Variants in IKZF1 observed in about 807,000 individuals in gnomAD.
The protein encoded by IKZF1 is IKAROS family zinc finger 1, also known as DNA-binding protein Ikaros.
In IKZF1, 10 loss-of-function variants were observed where a neutral mutation model predicts 51.7. The observed-to-expected ratio is 0.19, with a 90% confidence interval of 0.12 to 0.33. IKZF1 has a LOEUF of 0.33. Ranked by LOEUF, IKZF1 falls within the 10% of genes least tolerant of loss-of-function variation. IKZF1 has a pLI of 1.00. For missense variants in IKZF1, 484 were observed against 707.5 expected (o/e 0.68, Z 3.58); for synonymous variants, 280 against 282.3 (o/e 0.99, Z 0.08).
intron 2 of IKZF1, among the ~76,000 whole-genome samples, chr7:50,319,779 C>A (rs1792651041): frequency 6.6e-6 from 1 of 152,192 alleles, no homozygotes; most frequent in Non-Finnish European, 1.5e-5. Flanking sequence ...TTGGGGTTTT[C>A]GGTATTTCAT....
intron 3 of IKZF1, among the ~76,000 whole-genome samples, chr7:50,361,358 A>C (rs1698025939): frequency 6.6e-6 from 1 of 152,226 alleles, no homozygotes; most frequent in African/African-American, 2.4e-5. Context: ...CATTTTTACA[A>C]AAAAGTAGTA....
At chr7:50,380,344 C>T (rs1811504307) in intron 4 of IKZF1, among the ~76,000 whole-genome samples, 1 of 152,218 alleles carries the variant, frequency 6.6e-6, no homozygotes, top group African/African-American at 2.4e-5. Context: ...GCCCGCCTGC[C>T]TGCCTGCCCT....
intron 3 of IKZF1, among the ~76,000 whole-genome samples, chr7:50,350,573 G>A (rs1333927412): frequency 6.6e-6 from 1 of 152,172 alleles, no homozygotes; most frequent in African/African-American, 2.4e-5. Flanking sequence ...AGGATAAATT[G>A]GGTTCTGACG....
chr7:50,306,685 C>T (rs1788885516), intron 1 of IKZF1, among the ~76,000 whole-genome samples: 1 of 152,176 alleles, frequency 6.6e-6, no homozygotes, highest in Admixed American at 6.5e-5. Context: ...AAACTAAGAT[C>T]GCAGTGAATG....
intron 3 of IKZF1, among the ~76,000 whole-genome samples, chr7:50,346,459 C>T (rs992874417): frequency 6.6e-6 from 1 of 152,206 alleles, no homozygotes; most frequent in Non-Finnish European, 1.5e-5. Context: ...TTGACAACAG[C>T]TCTACAAAGC....
At chr7:50,349,396 T>C (rs1053955990) in intron 3 of IKZF1, among the ~76,000 whole-genome samples, 2 of 152,308 alleles carry the variant, frequency 1.3e-5, no homozygotes, top group South Asian at 2.1e-4. Flanking sequence ...AAAACAGTTT[T>C]GATGAGAAGC....
intron 7 of IKZF1, chr7:50,393,832 G>C (rs1431732342): frequency 4.3e-6 from 1 of 233,018 alleles, no homozygotes; most frequent in Admixed American, 5.6e-5. Context: ...TATGGGCAGA[G>C]ATAAGGCAGC....
chr7:50,397,812 G>A (rs1817107155), intron 7 of IKZF1, among the ~76,000 whole-genome samples: 1 of 152,018 alleles, frequency 6.6e-6, no homozygotes. Context: ...AGCTTCATAG[G>A]GTTTTCATCC....
intron 4 of IKZF1, among the ~76,000 whole-genome samples, chr7:50,378,760 G>A (rs557258246): frequency 6.6e-6 from 1 of 152,148 alleles, no homozygotes; most frequent in Non-Finnish European, 1.5e-5. Context: ...TTTCACTTAC[G>A]GAACAAATAA....
At chr7:50,380,856 T>TTA (rs1811640538) in intron 4 of IKZF1, among the ~76,000 whole-genome samples, 1 of 152,258 alleles carries the variant, frequency 6.6e-6, no homozygotes, top group Non-Finnish European at 1.5e-5. Flanking sequence ...GCTAGCTGTT[T>TTA]TAGCCTCTTC....
chr7:50,361,538 C>A (rs1052878436), intron 3 of IKZF1, among the ~76,000 whole-genome samples: 5 of 152,164 alleles, frequency 3.3e-5, no homozygotes, highest in Admixed American at 1.3e-4. Context: ...AATGCTCCAA[C>A]CTCAGGATCC....
At chr7:50,330,449 A>G (rs987212514) in intron 3 of IKZF1, among the ~76,000 whole-genome samples, 5 of 152,154 alleles carry the variant, frequency 3.3e-5, no homozygotes, top group African/African-American at 1.2e-4. Context: ...AAAAGCCTAC[A>G]TGACAAACCA....
At chr7:50,356,261 A>G (rs943752605) in intron 3 of IKZF1, among the ~76,000 whole-genome samples, 1 of 152,246 alleles carries the variant, frequency 6.6e-6, no homozygotes, top group Non-Finnish European at 1.5e-5. Flanking sequence ...AAATAACAGA[A>G]TGGCCTTCTA....
chr7:50,329,677 T>G (rs1303181055), intron 3 of IKZF1, among the ~76,000 whole-genome samples: 1 of 152,256 alleles, frequency 6.6e-6, no homozygotes, highest in Non-Finnish European at 1.5e-5. Context: ...CCAAGGGTAC[T>G]GTTCTTCCTG....
intron 3 of IKZF1, among the ~76,000 whole-genome samples, chr7:50,355,823 G>A (rs556699108): frequency 1.2e-4 from 18 of 152,322 alleles, no homozygotes; most frequent in African/African-American, 4.3e-4. Context: ...GGGAGGCAGC[G>A]TTCCCTGTGA....
At chr7:50,344,825 T>A (rs1437901897) in intron 3 of IKZF1, among the ~76,000 whole-genome samples, 1 of 152,088 alleles carries the variant, frequency 6.6e-6, no homozygotes, top group Non-Finnish European at 1.5e-5. Flanking sequence ...TAGTTGGAAT[T>A]GAAAGTCAAG....
At chr7:50,338,007 T>G (rs1798180844) in intron 3 of IKZF1, among the ~76,000 whole-genome samples, 1 of 152,194 alleles carries the variant, frequency 6.6e-6, no homozygotes, top group African/African-American at 2.4e-5. Flanking sequence ...CTTTGAAAAT[T>G]CAGAAGGGCA....
At chr7:50,367,880 A>G (rs972890444) in intron 3 of IKZF1, 2 of 603,914 alleles carry the variant, frequency 3.3e-6, no homozygotes, top group African/African-American at 1.9e-5. Context: ...GCAGATGAGT[A>G]GCTGAACAGT....
chr7:50,398,692 GC>G (rs1817346687), intron 7 of IKZF1, among the ~76,000 whole-genome samples: 1 of 152,166 alleles, frequency 6.6e-6, no homozygotes. Context: ...CTGTCCCTCT[GC>G]CCAGTCCAGA....
Sources: allele counts gnomAD v4.1 joint callset (sites outside exome capture counted in the v4.1 genomes callset), GRCh38; gene constraint gnomAD v4.1.1; transcripts MANE v1.5; gene names NCBI Gene and HGNC (gene_info 2026-07-23, HGNC 2026-07-21).